Variants in PDIA4 observed in about 807,000 individuals in gnomAD.
PDIA4 encodes protein disulfide-isomerase A4.
Under a neutral mutation model 62.1 loss-of-function variants are expected in PDIA4, and 33 were observed. The ratio of observed to expected loss-of-function variants is 0.53; its 90% confidence interval spans 0.40 to 0.71. PDIA4 has a LOEUF of 0.71. Ranked by LOEUF, PDIA4 falls within the 30% of genes least tolerant of loss-of-function variation. The pLI, the probability that PDIA4 is intolerant of heterozygous loss-of-function variation, is 0.00. For missense variants in PDIA4, 804 were observed against 813.6 expected (o/e 0.99, Z 0.14); for synonymous variants, 341 against 324.1 (o/e 1.05, Z -0.56).
In PDIA4 at chr7:149,008,267, G is replaced by A; in HGVS notation, c.1023C>T (p.Ser341=). The A allele has an allele frequency of 2.5e-6, 4 of 1,613,902 alleles. No homozygotes were observed. Among genetic ancestry groups the A allele is most frequent in the Non-Finnish European group, 3.4e-6 (4 of 1,179,840 alleles). The change falls in exon 7 of 10, where the codon AGC becomes AGT. Residue 341 remains serine (S), a synonymous_variant. Transcript: ENST00000652332. Reference sequence around the variant, plus strand: ...CTTTCAAGAACTTTGCTATTTCTGTGCTGAAAGTGTGGTGAAATTTGTAAT... The same window carrying A: ...CTTTCAAGAACTTTGCTATTTCTGTACTGAAAGTGTGGTGAAATTTGTAAT... ...REDYKFHHTF[S]TEIAKFLKVS... is the part of the protein sequence containing the mutation.
At chr7:149,013,050 C>T (rs1824006756) in intron 4 of PDIA4, among the ~76,000 whole-genome samples, 1 of 152,110 alleles carries the variant, frequency 6.6e-6, no homozygotes, top group Non-Finnish European at 1.5e-5. Flanking sequence ...GAGTTTGAGA[C>T]CAGCCTGGCC....
chr7:149,012,611 C>T (rs1390195706), intron 4 of PDIA4, among the ~76,000 whole-genome samples: 1 of 152,184 alleles, frequency 6.6e-6, no homozygotes, highest in Non-Finnish European at 1.5e-5. Context: ...AGGACACAGA[C>T]AGGACATTAG....
chr7:149,021,362 G>A (rs573214045), intron 1 of PDIA4, among the ~76,000 whole-genome samples: 2 of 151,856 alleles, frequency 1.3e-5, no homozygotes, highest in South Asian at 4.2e-4. Flanking sequence ...GGTGGCACGC[G>A]CCTGTAGTCC....
At chr7:149,009,240 AGTT>A (rs1823862830) in intron 6 of PDIA4, among the ~76,000 whole-genome samples, 1 of 152,058 alleles carries the variant, frequency 6.6e-6, no homozygotes, top group African/African-American at 2.4e-5. Flanking sequence ...CAACCCCAAG[AGTT>A]TAAGACCAGC....
chr7:149,004,457 C>T (rs1823670863), intron 9 of PDIA4, among the ~76,000 whole-genome samples: 1 of 152,234 alleles, frequency 6.6e-6, no homozygotes, highest in African/African-American at 2.4e-5. Context: ...GAGGCCATCA[C>T]AAGAGTCACT....
chr7:149,011,823 C>T (rs772718911), intron 6 of PDIA4, 23 bp downstream of exon 6: 2 of 1,514,766 alleles, frequency 1.3e-6, no homozygotes, highest in Non-Finnish European at 8.8e-7. Context: ...ACATTTTGTT[C>T]AGCCCAGAGG....
At chr7:149,021,826 C>G (rs552427374) in intron 1 of PDIA4, among the ~76,000 whole-genome samples, 79 of 152,306 alleles carry the variant, frequency 5.2e-4, no homozygotes, top group African/African-American at 1.8e-3. Context: ...CACCTCCTCC[C>G]TACTTCCTTG....
At chr7:149,028,212 G>A (rs1258162661) in intron 1 of PDIA4, 109 bp downstream of exon 1, 2 of 755,208 alleles carry the variant, frequency 2.6e-6, no homozygotes, top group East Asian at 2.8e-5. Context: ...CACTAGTTCT[G>A]GAGCTGACCG....
intron 4 of PDIA4, among the ~76,000 whole-genome samples, chr7:149,013,014 G>A (rs1394480837): frequency 6.6e-6 from 1 of 152,256 alleles, no homozygotes; most frequent in African/African-American, 2.4e-5. Context: ...TTGGGAGGCC[G>A]AGGCAGGTGG....
intron 3 of PDIA4, 111 bp from the exon 4 acceptor site, chr7:149,015,153 G>C: frequency 9.2e-7 from 1 of 1,083,290 alleles, no homozygotes; most frequent in South Asian, 1.5e-5. Context: ...GGGCCCACAA[G>C]AACAGGAGGT....
chr7:149,026,306 T>C (rs975593132), intron 1 of PDIA4, among the ~76,000 whole-genome samples: 3 of 151,946 alleles, frequency 2.0e-5, no homozygotes, highest in Admixed American at 6.6e-5. Flanking sequence ...GAGGATTGCT[T>C]GAGGCCAGCC....
chr7:149,014,908 G>C lies in PDIA4; in HGVS notation c.610C>G (p.Pro204Ala). Residue 204 changes from proline to alanine, a missense_variant, in exon 4 of 10, where the codon CCA becomes GCA. Coordinates refer to ENST00000652332, the MANE Select transcript of PDIA4 (RefSeq NM_004911.5). ...ADIILVEFYA[P>A]WCGHCKKLAP... ...AAGGGCCTGACACCACCTTACCATG[G>C]GGCATAAAACTCCACCAGAATGATA... The C allele has an allele frequency of 6.2e-7, 1 of 1,613,986 alleles. No homozygotes were observed. Among genetic ancestry groups the C allele is most frequent in the Non-Finnish European group, 8.5e-7 (1 of 1,179,914 alleles).
chr7:149,005,272 T>A lies in PDIA4; in HGVS notation c.1391A>T (p.Asp464Val), dbSNP rs1316110512. 6.2e-7 allele frequency: 1 copy of A among 1,614,006 alleles called. No homozygotes were observed. Among genetic ancestry groups the A allele is most frequent in the African/African-American group, 1.3e-5 (1 of 74,926 alleles). Residue 464 changes from aspartate to valine, a missense_variant, in exon 9 of 10, where the codon GAC (aspartate) becomes GTC (valine). Physicochemically the swap from Asp to Val is radical, Grantham distance 152. Coordinates refer to ENST00000652332, the MANE Select transcript of PDIA4 (RefSeq NM_004911.5). ...DEEDYAGEVK[D>V]LGLSESGEDV... ...CTCCCCACTCTCGCTGAGCCCCAGG[T>A]CCTTCACCTCCCCAGCATAGTCCTC...
At position 149,012,244 on chromosome 7, in the gene PDIA4, G is replaced by A. The variant is rs1482232932; in HGVS notation, c.731C>T (p.Ala244Val). 3 of 1,614,154 alleles carry A rather than the reference G, an allele frequency of 1.9e-6. No individual in the cohort carries two copies. The highest frequency in any genetic ancestry group is 2.5e-6 in the Non-Finnish European group (3 of 1,180,028). ...ATAGCCAGAGACATCAAACCTCTTG[G>A]CCAGGTCTGTTTCTGCGGTGGCGTC... ...KVDATAETDL[A>V]KRFDVSGYPT... The change falls in exon 5 of 10, where the codon GCC (alanine) becomes GTC (valine). Residue 244 changes from alanine to valine, a missense_variant. Coordinates refer to ENST00000652332, the MANE Select transcript of PDIA4 (RefSeq NM_004911.5).
rs550271567 is a variant in PDIA4 at position 149,017,598 on chromosome 7, A to G, written c.475+1394T>C. 8.1e-4 allele frequency among the ~76,000 whole-genome samples: 88 copies of G among 108,308 alleles called. 1 individual carries two copies. The highest frequency in any genetic ancestry group is 2.4e-3 in the African/African-American group (75 of 30,684). The allele number at this position is 108,308 out of a possible 152,430, so 71.1% of individuals were successfully genotyped here. The stretch of plus-strand genomic sequence containing the variant: ...AAACTCCGTCTCAAAAATTAAATAC[A>G]TTTTATCAAAATAAAATTAAATATT... On this transcript the variant is annotated intron_variant, in intron 3 of 9. Transcript: ENST00000652332.
rs140979566 is a variant in PDIA4, at chr7:149,014,849, C to T, written c.614+55G>A. On this transcript the variant is annotated intron_variant, in intron 4 of 9. Coordinates refer to ENST00000652332, the MANE Select transcript of PDIA4 (RefSeq NM_004911.5). ...CCTCACGGGCAGGGGCCTGCCACCCCGCACCTAGTGCCCACCAGGGTACTG... is the reference window on the plus strand; with the variant it reads ...CCTCACGGGCAGGGGCCTGCCACCCTGCACCTAGTGCCCACCAGGGTACTG... 2.6e-4 allele frequency: 404 copies of T among 1,579,762 alleles called. 2 individuals carry two copies. The African/African-American group carries it at 4.6e-3, about 18-fold the overall frequency.
intron 1 of PDIA4, among the ~76,000 whole-genome samples, chr7:149,022,751 A>G (rs1343253380): frequency 6.6e-6 from 1 of 152,018 alleles, no homozygotes; most frequent in Non-Finnish European, 1.5e-5. Flanking sequence ...CCCACCCCAC[A>G]TGGCTGTGCC....
intron 1 of PDIA4, among the ~76,000 whole-genome samples, chr7:149,023,757 TA>T (rs1824439025): frequency 6.6e-6 from 1 of 152,144 alleles, no homozygotes; most frequent in African/African-American, 2.4e-5. Flanking sequence ...CGAAGAGGCC[TA>T]AAACATGACC....
At chr7:149,009,595 T>C (rs895879266) in intron 6 of PDIA4, among the ~76,000 whole-genome samples, 3 of 152,204 alleles carry the variant, frequency 2.0e-5, no homozygotes, top group African/African-American at 7.2e-5. Context: ...AAATGCATGA[T>C]GAAACCCCAC....
Sources: allele counts gnomAD v4.1 joint callset (sites outside exome capture counted in the v4.1 genomes callset), GRCh38; gene constraint gnomAD v4.1.1; transcripts MANE v1.5; gene names NCBI Gene and HGNC (gene_info 2026-07-23, HGNC 2026-07-21).